Variants in ZNF782 observed in about 807,000 individuals in gnomAD.
ZNF782 encodes the protein zinc finger protein 782.
ZNF782 carries 12 observed loss-of-function variants against 13.0 expected under a neutral mutation model. The observed-to-expected ratio is 0.92, with a 90% CI of 0.59 to 1.50. The LOEUF (loss-of-function observed/expected upper bound fraction) is 1.50. Among genes scored for constraint, ZNF782 ranks in the 40% most tolerant of loss-of-function variants. ZNF782 has a pLI of 0.00. For synonymous variants in ZNF782, 284 were observed against 283.0 expected, an observed-to-expected ratio of 1.00 and a Z score of -0.04; for missense variants, 770 against 822.9, an observed-to-expected ratio of 0.94 and a Z score of 0.79.
intron 4 of ZNF782, among the ~76,000 whole-genome samples, chr9:96,832,967 C>T (rs1365379848): frequency 6.6e-6 from 1 of 151,808 alleles, no homozygotes; most frequent in Non-Finnish European, 1.5e-5. Context: ...CTTGTAGTTT[C>T]TGGGGTTCTG....
the ZNF782 span, chr9:96,889,933 A>G: frequency 6.6e-6 from 1 of 152,160 alleles, no homozygotes; most frequent in African/African-American, 2.4e-5. Context: ...CTCTTTTTAA[A>G]AATCCAAATT....
chr9:96,833,551 T>C (rs2118561201), intron 4 of ZNF782, among the ~76,000 whole-genome samples: 1 of 152,342 alleles, frequency 6.6e-6, no homozygotes, highest in Middle Eastern at 3.4e-3. Flanking sequence ...GTGTCTACCA[T>C]TCTCATCACA....
At chr9:96,930,458 A>G in the ZNF782 span, among the ~76,000 whole-genome samples, 1 of 148,332 alleles carries the variant, frequency 6.7e-6, no homozygotes, top group Non-Finnish European at 1.5e-5. Context: ...TGGGAGGCAG[A>G]GGTTGCAGTG....
intron 1 of ZNF782, among the ~76,000 whole-genome samples, chr9:96,868,590 A>G (rs1851788916): frequency 1.3e-5 from 2 of 152,250 alleles, no homozygotes; most frequent in Non-Finnish European, 2.9e-5. Flanking sequence ...TAGTTTTTCT[A>G]CGTATTAAAA....
chr9:96,852,583 G>A (rs1851528417), intron 2 of ZNF782, among the ~76,000 whole-genome samples: 1 of 152,194 alleles, frequency 6.6e-6, no homozygotes, highest in East Asian at 1.9e-4. Flanking sequence ...GGAGGTAGAG[G>A]CTGCAGTGAG....
the ZNF782 span, among the ~76,000 whole-genome samples, chr9:96,881,117 T>A: frequency 1.4e-5 from 2 of 147,562 alleles, no homozygotes; most frequent in African/African-American, 5.3e-5. Context: ...TTAGAACCCC[T>A]GTTTTCTGCC....
chr9:96,849,503 AC>A, intron 3 of ZNF782, among the ~76,000 whole-genome samples: 1 of 152,380 alleles, frequency 6.6e-6, no homozygotes, highest in East Asian at 1.9e-4. Context: ...CTCACTTTAT[AC>A]AAATATCAAC....
the ZNF782 span, among the ~76,000 whole-genome samples, chr9:96,923,993 G>A: frequency 1.3e-5 from 2 of 151,740 alleles, no homozygotes; most frequent in African/African-American, 2.4e-5. Flanking sequence ...ATGCCACCAC[G>A]CCTGGCTAAT....
Position 96,817,590 on chromosome 9 carries a change from A to C in ZNF782, c.*333T>G. On this transcript the variant is annotated 3_prime_UTR_variant, in exon 6 of 6. Transcript: ENST00000481138. ...TTTTGATTGTTGGCACAAAGTTTTC[A>C]CATTTTTATTACTTTCTCAGAGCTT... The C allele has an allele frequency of 9.7e-6, 2 of 205,558 alleles. No homozygotes were observed. Among genetic ancestry groups the C allele is most frequent in the Non-Finnish European group, 9.6e-6 (1 of 104,096 alleles). 12.7% of individuals were successfully genotyped at this position (205,558 alleles called of 1,614,324 possible).
At chr9:96,898,334 C>G in the ZNF782 span, among the ~76,000 whole-genome samples, 365 of 148,428 alleles carry the variant, frequency 2.5e-3, 15 homozygotes, top group African/African-American at 8.8e-3. Flanking sequence ...CTGGTACCCA[C>G]CAATCTGCTT....
intron 5 of ZNF782, among the ~76,000 whole-genome samples, chr9:96,821,652 C>T (rs1256437642): frequency 6.6e-6 from 1 of 150,920 alleles, no homozygotes. Flanking sequence ...CTTAGTTGTA[C>T]GTCAAATAAT....
chr9:96,883,029 T>C, the ZNF782 span, among the ~76,000 whole-genome samples: 1 of 151,900 alleles, frequency 6.6e-6, no homozygotes, highest in Admixed American at 6.6e-5. Flanking sequence ...CAATAGGAGA[T>C]GAAGAATGAA....
At chr9:96,895,581 C>T in the ZNF782 span, 1 of 147,910 alleles carries the variant, frequency 6.8e-6, no homozygotes, top group African/African-American at 2.7e-5. Context: ...AGCACTTTAC[C>T]AAGTTGACTG....
chr9:96,838,965 C>T (rs1176609860), intron 4 of ZNF782, among the ~76,000 whole-genome samples: 4 of 152,016 alleles, frequency 2.6e-5, no homozygotes, highest in Admixed American at 6.6e-5. Flanking sequence ...CCACCTACCT[C>T]GGCCTCCCAA....
chr9:96,864,357 A>G (rs1193791750), intron 1 of ZNF782, among the ~76,000 whole-genome samples: 1 of 152,052 alleles, frequency 6.6e-6, no homozygotes, highest in African/African-American at 2.4e-5. Flanking sequence ...GAAAAACATA[A>G]AAGAGTTTAT....
At chr9:96,918,808 G>A in the ZNF782 span, 1 of 170,610 alleles carries the variant, frequency 5.9e-6, no homozygotes, top group Non-Finnish European at 1.2e-5. Flanking sequence ...GAACTCAGCA[G>A]CTCAGCCCAT....
At position 96,841,120 on chromosome 9, in the gene ZNF782, G is replaced by C. The variant is rs1851176658; in HGVS notation, c.142+3770C>G. Among the ~76,000 whole-genome samples the C allele has an allele frequency of 1.3e-5, 2 of 152,070 alleles. 1 individual carries two copies. The highest frequency in any genetic ancestry group is 4.1e-4 in the South Asian group (2 of 4,828). ...CAAAATGATAATAATGGAATGGTCT[G>C]AACATCTTTACACATATGAATGTGA... On this transcript the variant is annotated intron_variant, in intron 4 of 5. Coordinates refer to ENST00000481138, the MANE Select transcript of ZNF782 (RefSeq NM_001001662.3).
chr9:96,916,181 T>G, the ZNF782 span, among the ~76,000 whole-genome samples: 1 of 151,966 alleles, frequency 6.6e-6, no homozygotes, highest in Non-Finnish European at 1.5e-5. Flanking sequence ...ACAGCTGGTT[T>G]TGATGTCTTG....
the ZNF782 span, among the ~76,000 whole-genome samples, chr9:96,930,523 CAA>C: frequency 2.9e-4 from 18 of 61,586 alleles, no homozygotes; most frequent in South Asian, 5.3e-4. Context: ...GACTCCGTCT[CAA>C]AAAAAAAAAA....
Sources: allele counts gnomAD v4.1 joint callset (sites outside exome capture counted in the v4.1 genomes callset), GRCh38; gene constraint gnomAD v4.1.1; transcripts MANE v1.5; gene names NCBI Gene and HGNC (gene_info 2026-07-23, HGNC 2026-07-21).